The following VPS13A variants were observed in gnomAD, a reference collection of about 807,000 sequenced individuals.
The protein encoded by VPS13A is vacuolar protein sorting 13 homolog A, also known as intermembrane lipid transfer protein VPS13A.
In VPS13A, 264 loss-of-function variants were observed where a neutral mutation model predicts 390.9. That is an observed-to-expected ratio of 0.68 (90% confidence interval 0.61 to 0.75). The LOEUF is 0.75. Ranked by LOEUF, VPS13A falls within the 30% of genes least tolerant of loss-of-function variation. The pLI is 0.00. For synonymous variants in VPS13A, 1,231 were observed against 1,227.1 expected (o/e 1.00, Z -0.07); for missense variants, 3,409 against 3,733.9 (o/e 0.91, Z 2.27).
At chr9:77,415,109 A>T (rs1186190206) in intron 71 of VPS13A, among the ~76,000 whole-genome samples, 1 of 152,202 alleles carries the variant, frequency 6.6e-6, no homozygotes, top group African/African-American at 2.4e-5. Context: ...TGTCACCTGG[A>T]ACAGGGAGAC....
intron 10 of VPS13A, among the ~76,000 whole-genome samples, chr9:77,218,112 C>CTTTT (rs1190614257): frequency 3.6e-5 from 5 of 138,212 alleles, no homozygotes; most frequent in Non-Finnish European, 6.3e-5. Context: ...TCTTTGCCCA[C>CTTTT]TTTTTTTTTT....
chr9:77,397,162 T>G (rs916127832), intron 68 of VPS13A, among the ~76,000 whole-genome samples: 4 of 152,186 alleles, frequency 2.6e-5, no homozygotes, highest in African/African-American at 9.6e-5. Flanking sequence ...GTTAATTTTT[T>G]GTATTTTTAG....
intron 23 of VPS13A, among the ~76,000 whole-genome samples, chr9:77,270,771 G>A (rs1282493074): frequency 1.3e-5 from 2 of 152,300 alleles, no homozygotes; most frequent in African/African-American, 4.8e-5. Flanking sequence ...CTAAGTGGGG[G>A]AAGGATCACC....
intron 68 of VPS13A, among the ~76,000 whole-genome samples, chr9:77,385,602 A>G (rs80187834): frequency 0.016 from 2,433 of 152,138 alleles, 60 homozygotes; most frequent in African/African-American, 0.055. Context: ...AAAAATTTCA[A>G]CATAGATGAA....
intron 68 of VPS13A, among the ~76,000 whole-genome samples, chr9:77,388,238 A>G (rs1271618318): frequency 6.6e-6 from 1 of 152,174 alleles, no homozygotes; most frequent in African/African-American, 2.4e-5. Context: ...TACACTGTTA[A>G]TTTAATCATT....
chr9:77,234,958 C>G (rs62573189), intron 17 of VPS13A, among the ~76,000 whole-genome samples: 5,255 of 152,250 alleles, frequency 0.035, 112 homozygotes, highest in Non-Finnish European at 0.051. Flanking sequence ...CTCCATTCTT[C>G]ATCTTTACGT....
At chr9:77,258,589 C>T (rs1472876723) in intron 22 of VPS13A, among the ~76,000 whole-genome samples, 6 of 151,994 alleles carry the variant, frequency 3.9e-5, no homozygotes, top group African/African-American at 1.5e-4. Context: ...GTTTAAGAGA[C>T]AGAAGGAAAG....
At chr9:77,321,887 C>G in intron 44 of VPS13A, 141 bp downstream of exon 44, 1 of 988,182 alleles carries the variant, frequency 1.0e-6, no homozygotes, top group Non-Finnish European at 1.5e-6. Context: ...TCTAATAGGT[C>G]AAGAACTGTT....
Position 77,320,480 on chromosome 9 carries a change from A to C in VPS13A, c.5416-689A>C, listed in dbSNP as rs73467958. 7.9e-3 allele frequency among the ~76,000 whole-genome samples: 1,197 copies of C among 152,244 alleles called. 18 individuals carry two copies. The highest frequency in any genetic ancestry group is 0.027 in the African/African-American group (1,125 of 41,560). ...TTCTGAAGCAAGAGACTGCAGAATT[A>C]CTCACGTGTTTCCTACCTAATAATG... is the stretch of plus-strand genomic sequence containing the variant. On this transcript the variant is annotated intron_variant, in intron 42 of 71. Coordinates refer to ENST00000360280, the MANE Select transcript of VPS13A (RefSeq NM_033305.3).
In VPS13A at chr9:77,371,120, G is replaced by A; in HGVS notation, c.9048G>A (p.Met3016Ile). Residue 3016 changes from methionine to isoleucine, a missense_variant, in exon 67 of 72, where the codon ATG becomes ATA. Physicochemically the swap from Met to Ile is conservative, Grantham distance 10. This residue lies in a region of VPS13A where 318 missense variants were observed against 333.7 expected (regional missense o/e 0.95). Coordinates refer to ENST00000360280, the MANE Select transcript of VPS13A (RefSeq NM_033305.3). ...VARPTGGIID[M>I]ASSTFQGIKR... ...GGCCAACTGGAGGCATCATAGACATGGCTAGCAGTACATTTCAGGGAATAA... is the reference window on the plus strand; with the variant it reads ...GGCCAACTGGAGGCATCATAGACATAGCTAGCAGTACATTTCAGGGAATAA... The A allele has an allele frequency of 6.2e-7, 1 of 1,614,072 alleles. No individual in the cohort carries two copies.
Position 77,393,911 on chromosome 9 carries a change from GGC to G in VPS13A, c.9190-9322_9190-9321del, listed in dbSNP as rs534242393. On this transcript the variant is annotated intron_variant, in intron 68 of 71. Transcript: ENST00000360280. ...GGCCTCCTGAGTAGCTGGGATTACAGGCGCCTGCCACAACATGGGCTAATTTT... is the reference window on the plus strand; with the variant it reads ...GGCCTCCTGAGTAGCTGGGATTACAGGCCTGCCACAACATGGGCTAATTTT... Among the ~76,000 whole-genome samples, 16 of 152,230 alleles carry G rather than the reference GGC, an allele frequency of 1.1e-4. No homozygotes were observed. In the South Asian group the frequency reaches 3.3e-3, roughly 32 times the overall value.
At chr9:77,322,428 T>C (rs1829800873) in intron 44 of VPS13A, among the ~76,000 whole-genome samples, 2 of 151,998 alleles carry the variant, frequency 1.3e-5, no homozygotes, top group African/African-American at 4.8e-5. Flanking sequence ...TAATTAGACA[T>C]AGGGGGGTAG....
intron 1 of VPS13A, among the ~76,000 whole-genome samples, chr9:77,178,887 C>T (rs1823824787): frequency 6.6e-6 from 1 of 152,176 alleles, no homozygotes. Flanking sequence ...TTCTAAAATA[C>T]TTACCTTGAC....
intron 51 of VPS13A, among the ~76,000 whole-genome samples, chr9:77,344,724 A>G (rs896796884): frequency 6.6e-6 from 1 of 151,522 alleles, no homozygotes; most frequent in Non-Finnish European, 1.5e-5. Flanking sequence ...GCGCCACTGC[A>G]CTCCAGCCTA....
intron 69 of VPS13A, among the ~76,000 whole-genome samples, 156 bp from the exon 70 acceptor site, chr9:77,405,708 T>A (rs895750179): frequency 8.6e-5 from 13 of 151,170 alleles, no homozygotes; most frequent in African/African-American, 3.2e-4. Context: ...GGACACACTT[T>A]ATGGTTCCAG....
intron 34 of VPS13A, among the ~76,000 whole-genome samples, chr9:77,304,045 C>T (rs909588730): frequency 2.0e-5 from 3 of 152,060 alleles, no homozygotes; most frequent in African/African-American, 2.4e-5. Flanking sequence ...TCTCATCCCA[C>T]GAGGCCATAT....
At chr9:77,338,078 T>C (rs556383023) in intron 47 of VPS13A, 1 of 152,688 alleles carries the variant, frequency 6.5e-6, no homozygotes, top group South Asian at 2.1e-4. Context: ...TAGGCTCAAG[T>C]GATCCTTCCA....
At chr9:77,241,542 G>A (rs1824498834) in intron 19 of VPS13A, among the ~76,000 whole-genome samples, 1 of 148,950 alleles carries the variant, frequency 6.7e-6, no homozygotes, top group African/African-American at 2.5e-5. Context: ...TTGTGGTTCT[G>A]TTTTTCCTAT....
At chr9:77,309,801 G>A (rs571811078) in intron 35 of VPS13A, among the ~76,000 whole-genome samples, 1 of 151,938 alleles carries the variant, frequency 6.6e-6, no homozygotes, top group South Asian at 2.1e-4. Context: ...AGCAGATTGG[G>A]TAAACTAAGA....
Sources: gnomAD v4.1 joint callset for allele counts (sites outside exome capture counted in the v4.1 genomes callset) on GRCh38, gnomAD v4.1.1 for gene constraint, gnomAD v4.1.1 regional missense constraint, MANE v1.5 for transcripts, NCBI Gene and HGNC (gene_info 2026-07-23, HGNC 2026-07-21) for gene names.